PPP2R3A: variants seen among roughly 807,000 people sequenced by gnomAD.
The protein encoded by PPP2R3A is serine/threonine-protein phosphatase 2A regulatory subunit B'' subunit alpha.
A neutral mutation model predicts 106.9 loss-of-function variants in PPP2R3A; 80 were observed. The observed-to-expected ratio is 0.75, with a 90% CI of 0.62 to 0.90. The LOEUF (loss-of-function observed/expected upper bound fraction) is 0.90, where lower values mean the gene tolerates loss of function less well. Among genes scored for constraint, PPP2R3A ranks in the 40% least tolerant of loss-of-function variants. The probability of loss-of-function intolerance (pLI) is 0.00; values close to 1 mark genes in which losing one functional copy is unlikely to be tolerated. For missense variants in PPP2R3A, 1,386 were observed against 1,350.4 expected (o/e 1.03, Z -0.41); for synonymous variants, 483 against 468.3 (o/e 1.03, Z -0.41).
chr3:136,061,926 C>CAAAAA (rs369373163), intron 5 of PPP2R3A, among the ~76,000 whole-genome samples: 16 of 84,098 alleles, frequency 1.9e-4, no homozygotes, highest in South Asian at 4.4e-4. Flanking sequence ...GACTCTATCT[C>CAAAAA]AAAAAAAAAA....
At position 136,132,017 on chromosome 3, in the gene PPP2R3A, TG is replaced by T. The variant is rs1163866774; in HGVS notation, c.3330-13018del. On this transcript the variant is annotated intron_variant, in intron 13 of 13. Transcript: ENST00000264977. The stretch of plus-strand genomic sequence containing the variant: ...TCACACACCAGGGCCTGTCAGGGGG[TG>T]GGGGGGGCTGGGGGAGGGATAGCAT... Among the ~76,000 whole-genome samples, 7 of 21,066 alleles carry T rather than the reference TG, an allele frequency of 3.3e-4. No individual in the cohort carries two copies. The East Asian group carries it at 8.8e-3, about 26-fold the overall frequency. The allele number at this position is 21,066 out of a possible 152,430, so 13.8% of individuals were successfully genotyped here.
chr3:136,054,889 T>C (rs1935810345), intron 5 of PPP2R3A, among the ~76,000 whole-genome samples: 1 of 152,228 alleles, frequency 6.6e-6, no homozygotes, highest in South Asian at 2.1e-4. Context: ...TTCAGTTTTC[T>C]ACTCACTATA....
Position 136,078,401 on chromosome 3 carries a change from C to T in PPP2R3A, c.2579C>T (p.Ser860Phe), listed in dbSNP as rs758340433. ...AGAATATTCTACACAGTCAACAGAT[C>T]TTGGAGTGGAAAAATTACTTCGACA... ...IQRIFYTVNR[S>F]WSGKITSTEI... Residue 860 changes from serine (S) to phenylalanine (F), a missense_variant, in exon 7 of 14, where the codon TCT becomes TTT. Transcript: ENST00000264977. The T allele has an allele frequency of 1.2e-6, 2 of 1,610,566 alleles. No homozygotes were observed. Among genetic ancestry groups the T allele is most frequent in the Non-Finnish European group, 1.7e-6 (2 of 1,177,780 alleles).
At chr3:136,051,778 A>T (rs1935694538) in intron 5 of PPP2R3A, among the ~76,000 whole-genome samples, 1 of 152,232 alleles carries the variant, frequency 6.6e-6, no homozygotes, top group Admixed American at 6.5e-5. Flanking sequence ...AGCACCTGCA[A>T]AGCCTGTCAT....
chr3:136,136,541 TA>T (rs36018380), intron 13 of PPP2R3A, among the ~76,000 whole-genome samples: 3 of 151,018 alleles, frequency 2.0e-5, no homozygotes, highest in African/African-American at 2.4e-5. Context: ...ATATTAATGC[TA>T]AAAAAAAATG....
At chr3:135,982,169 T>C (rs1199450434) in intron 1 of PPP2R3A, among the ~76,000 whole-genome samples, 1 of 151,850 alleles carries the variant, frequency 6.6e-6, no homozygotes, top group African/African-American at 2.4e-5. Context: ...ATCCTGGGTC[T>C]GGGCTGCACA....
chr3:136,098,335 CTT>C (rs1937268413), intron 10 of PPP2R3A, among the ~76,000 whole-genome samples: 1 of 152,286 alleles, frequency 6.6e-6, no homozygotes, highest in East Asian at 1.9e-4. Context: ...TAGTAAAAAA[CTT>C]TTCAAGTATT....
intron 1 of PPP2R3A, among the ~76,000 whole-genome samples, chr3:135,972,353 G>A (rs994560284): frequency 1.2e-4 from 18 of 152,268 alleles, no homozygotes; most frequent in Admixed American, 5.9e-4. Flanking sequence ...GATATACTAC[G>A]TTTTGTTTAT....
chr3:136,123,776 G>A (rs1490829046), intron 13 of PPP2R3A, among the ~76,000 whole-genome samples: 1 of 152,148 alleles, frequency 6.6e-6, no homozygotes, highest in Non-Finnish European at 1.5e-5. Context: ...AGACTTGAAA[G>A]GAGAAATAGA....
intron 5 of PPP2R3A, among the ~76,000 whole-genome samples, chr3:136,061,276 CAAATA>C (rs896768410): frequency 3.3e-5 from 5 of 152,078 alleles, no homozygotes; most frequent in Non-Finnish European, 5.9e-5. Flanking sequence ...GAGAAATCAT[CAAATA>C]AAATAATACA....
intron 3 of PPP2R3A, among the ~76,000 whole-genome samples, chr3:136,032,215 T>G (rs1040336512): frequency 6.6e-6 from 1 of 152,238 alleles, no homozygotes; most frequent in African/African-American, 2.4e-5. Context: ...GTGGTTTTAC[T>G]TGTAGAGGTC....
At chr3:135,988,360 C>T (rs540045881) in intron 1 of PPP2R3A, among the ~76,000 whole-genome samples, 1 of 151,962 alleles carries the variant, frequency 6.6e-6, no homozygotes, top group East Asian at 1.9e-4. Context: ...CAAAATATAT[C>T]CAGAATCTGA....
chr3:136,036,423 G>A (rs1047713294), intron 3 of PPP2R3A, among the ~76,000 whole-genome samples: 2 of 152,108 alleles, frequency 1.3e-5, no homozygotes, highest in Non-Finnish European at 2.9e-5. Flanking sequence ...CCTTGATTTA[G>A]TACTCTCCCC....
chr3:136,055,475 C>G (rs1359411158), intron 5 of PPP2R3A: 2 of 1,145,034 alleles, frequency 1.7e-6, no homozygotes, highest in Non-Finnish European at 2.7e-6. Flanking sequence ...ACAGCTCTTT[C>G]TGGATACAGA....
At chr3:136,064,377 C>T (rs2107895230) in intron 5 of PPP2R3A, among the ~76,000 whole-genome samples, 1 of 151,878 alleles carries the variant, frequency 6.6e-6, no homozygotes, top group East Asian at 1.9e-4. Context: ...TGTAACTAAC[C>T]TGCACGTTGC....
chr3:136,062,717 CA>C (rs34662666), intron 5 of PPP2R3A, among the ~76,000 whole-genome samples: 73,015 of 114,306 alleles, frequency 0.64, 21,284 homozygotes, highest in African/African-American at 0.81. Flanking sequence ...GACTCCATCT[CA>C]AAAAAAAAAA....
At chr3:136,114,375 TTTTTG>T (rs533965035) in intron 13 of PPP2R3A, among the ~76,000 whole-genome samples, 1 of 152,306 alleles carries the variant, frequency 6.6e-6, no homozygotes, top group Non-Finnish European at 1.5e-5. Context: ...GTTGTTGTTT[TTTTTG>T]TTTTGTTTTG....
intron 1 of PPP2R3A, among the ~76,000 whole-genome samples, chr3:135,975,235 G>A (rs992362731): frequency 6.6e-6 from 1 of 152,178 alleles, no homozygotes; most frequent in Non-Finnish European, 1.5e-5. Context: ...GTGTAATGAA[G>A]AGTGTGTTGA....
chr3:136,040,027 C>CCT lies in PPP2R3A; in HGVS notation c.2263-832_2263-831insCT, dbSNP rs1935211273. ...TTTCATCTTTTACCTGAATTATAAC[C>CCT]ATTTAAATAGATATGATAGCTGTTT... On this transcript the variant is annotated intron_variant, in intron 3 of 13. Transcript: ENST00000264977. 6.6e-5 allele frequency among the ~76,000 whole-genome samples: 10 copies of CCT among 152,024 alleles called. No homozygotes were observed. The South Asian group carries it at 1.9e-3, about 28-fold the overall frequency.
Sources: gnomAD v4.1 joint callset for allele counts (sites outside exome capture counted in the v4.1 genomes callset) on GRCh38, gnomAD v4.1.1 for gene constraint, MANE v1.5 for transcripts, NCBI Gene and HGNC (gene_info 2026-07-23, HGNC 2026-07-21) for gene names.